BRIP1: variants seen among roughly 807,000 people sequenced by gnomAD.
BRIP1 encodes the protein BRCA1 interacting DNA helicase 1.
BRIP1 carries 88 observed loss-of-function variants against 119.7 expected under a neutral mutation model. The observed-to-expected ratio is 0.74, with a 90% CI of 0.62 to 0.88. The LOEUF is 0.88. Ranked by LOEUF, BRIP1 falls within the 40% of genes least tolerant of loss-of-function variation. The pLI, the probability that BRIP1 is intolerant of heterozygous loss-of-function variation, is 0.00. For synonymous variants in BRIP1, 443 were observed against 496.5 expected, an observed-to-expected ratio of 0.89 and a Z score of 1.43; for missense variants, 1,259 against 1,455.4, an observed-to-expected ratio of 0.87 and a Z score of 2.20.
Position 61,792,419 on chromosome 17 carries a change from A to T in BRIP1, c.1473+1178T>A, listed in dbSNP as rs1027641041. ...CAATTGCCAAAAACTGGAAACCATCAATGTTTCTTTCAGTAGGTGAATGGA... is the reference window on the plus strand; with the variant it reads ...CAATTGCCAAAAACTGGAAACCATCTATGTTTCTTTCAGTAGGTGAATGGA... On this transcript the variant is annotated intron_variant, in intron 10 of 19. Coordinates refer to ENST00000259008, the MANE Select transcript of BRIP1 (RefSeq NM_032043.3). 2.6e-5 allele frequency among the ~76,000 whole-genome samples: 4 copies of T among 152,220 alleles called. No homozygotes were observed. The East Asian group carries it at 7.7e-4, about 29-fold the overall frequency.
In BRIP1 at chr17:61,701,920, T is replaced by G. The variant is rs1401257907; in HGVS notation, c.2493-8408A>C. On this transcript the variant is annotated intron_variant, in intron 17 of 19. Coordinates refer to ENST00000259008, the MANE Select transcript of BRIP1 (RefSeq NM_032043.3). This position sits in a 1 kb window ranked among gnomAD's most constrained non-coding sequence, Gnocchi z 5.1. ...CTCCAATGACTGTCAGGTTGTTGGC[T>G]TTCCTCACGATTTCAGGCTATTGGT... is the stretch of plus-strand genomic sequence containing the variant. Among the ~76,000 whole-genome samples the G allele has an allele frequency of 6.6e-6, 1 of 152,176 alleles. No individual in the cohort carries two copies. The highest frequency in any genetic ancestry group is 1.5e-5 in the Non-Finnish European group (1 of 68,028).
At position 61,765,379 on chromosome 17, in the gene BRIP1, T is replaced by TTATA. The variant is rs1287538931; in HGVS notation, c.2097+11018_2097+11021dup. Among the ~76,000 whole-genome samples, 163 of 37,716 alleles carry TTATA rather than the reference T, an allele frequency of 4.3e-3. 1 individual carries two copies. Among genetic ancestry groups the TTATA allele is most frequent in the Non-Finnish European group, 5.1e-3 (113 of 22,120 alleles). The allele number at this position is 37,716 out of a possible 152,430, so 24.7% of individuals were successfully genotyped here. The stretch of plus-strand genomic sequence containing the variant: ...ATGTGTGTGTGTGTGTGTGTATATA[T>TTATA]TATATATATATATATATATATATAT... On this transcript the variant is annotated intron_variant, in intron 14 of 19. Coordinates refer to ENST00000259008, the MANE Select transcript of BRIP1 (RefSeq NM_032043.3).
In BRIP1 at chr17:61,857,243, A is replaced by G; in HGVS notation, c.206-12T>C. ...ATCTGCTGGTTTCCCTAAAAATGAA[A>G]GAACATCTATTTATAATATATCTAA... On this transcript the variant is annotated splice_polypyrimidine_tract_variant and intron_variant, in intron 3 of 19. Transcript: ENST00000259008. This position sits in a 1 kb window ranked among gnomAD's most constrained non-coding sequence, Gnocchi z 5.1. 1 of 1,605,230 alleles carries G rather than the reference A, an allele frequency of 6.2e-7. No individual in the cohort carries two copies. Among genetic ancestry groups the G allele is most frequent in the African/African-American group, 1.3e-5 (1 of 74,736 alleles).
intron 6 of BRIP1, among the ~76,000 whole-genome samples, chr17:61,833,833 T>C (rs1444236294): frequency 1.3e-5 from 2 of 152,130 alleles, no homozygotes; most frequent in African/African-American, 2.4e-5. Flanking sequence ...TACAATAGTA[T>C]AGAACGGGCT....
At chr17:61,820,405 A>G (rs2078302971) in intron 6 of BRIP1, among the ~76,000 whole-genome samples, 1 of 152,234 alleles carries the variant, frequency 6.6e-6, no homozygotes, top group African/African-American at 2.4e-5. Context: ...CTTAAAAATT[A>G]TGAGATGAAA....
In BRIP1 at chr17:61,832,201, G is replaced by A. The variant is rs750532347; in HGVS notation, c.627+14900C>T. On this transcript the variant is annotated intron_variant, in intron 6 of 19. Transcript: ENST00000259008. The surrounding 1 kb of genome is among the most constrained non-coding windows in gnomAD (Gnocchi z 5.5). ...ATCTTTTGCCAAAAAATAAGGAAGC[G>A]TTCCAAGAATGATTGATATATGTCA... Among the ~76,000 whole-genome samples, 11 of 152,138 alleles carry A rather than the reference G, an allele frequency of 7.2e-5. No homozygotes were observed. In the East Asian group the frequency reaches 7.7e-4, roughly 11 times the overall value.
At chr17:61,696,676 C>A (rs1299359821) in intron 17 of BRIP1, among the ~76,000 whole-genome samples, 5 of 131,634 alleles carry the variant, frequency 3.8e-5, no homozygotes, top group Non-Finnish European at 7.9e-5. Context: ...CAGAGTGAGA[C>A]TTTGTCTCAC....
At position 61,683,605 on chromosome 17, in the gene BRIP1, AT is replaced by A. The variant is rs753683450; in HGVS notation, c.3440del (p.Asn1147MetfsTer3). The A allele has an allele frequency of 6.2e-7, 1 of 1,611,940 alleles. No individual in the cohort carries two copies. The highest frequency in any genetic ancestry group is 8.5e-7 in the Non-Finnish European group (1 of 1,179,772). ...TTCCTCTATCAGTTTCAGCTAGGTCATTTTTTTCTTCATCTGTATCTTCAGG... is the reference window on the plus strand; with the variant it reads ...TTCCTCTATCAGTTTCAGCTAGGTCATTTTTTCTTCATCTGTATCTTCAGG... ...YDPEDTDEEK[N>X]DLAETDRGNR... is the part of the protein sequence containing the mutation. On this transcript the variant is annotated frameshift_variant, in exon 20 of 20. Coordinates refer to ENST00000259008, the MANE Select transcript of BRIP1 (RefSeq NM_032043.3). LOFTEE classifies it low-confidence loss of function (END_TRUNC). This position sits in a 1 kb window ranked among gnomAD's most constrained non-coding sequence, Gnocchi z 4.7.
chr17:61,766,918 A>T (rs2077381876), intron 14 of BRIP1, among the ~76,000 whole-genome samples: 1 of 152,166 alleles, frequency 6.6e-6, no homozygotes, highest in Non-Finnish European at 1.5e-5. Flanking sequence ...TAAAGAGTTT[A>T]GAAACTCTTC....
chr17:61,780,183 G>T lies in BRIP1; in HGVS notation c.1935+78C>A. ...CAAGATTTACTTGCTGGCACTTCAG[G>T]TATCTTCTAACTTGTTTACATAGTT... is the stretch of plus-strand genomic sequence containing the variant. On this transcript the variant is annotated intron_variant, in intron 13 of 19. Transcript: ENST00000259008. This position sits in a 1 kb window ranked among gnomAD's most constrained non-coding sequence, Gnocchi z 5.4. 2.8e-6 allele frequency: 4 copies of T among 1,434,118 alleles called. No individual in the cohort carries two copies. Among genetic ancestry groups the T allele is most frequent in the South Asian group, 2.5e-5 (2 of 81,518 alleles). 88.8% of individuals were successfully genotyped at this position (1,434,118 alleles called of 1,614,324 possible). A position where few individuals can be genotyped will look rare whatever the true frequency, so the allele number is the denominator to read the frequency against.
chr17:61,698,944 T>C (rs1211255864), intron 17 of BRIP1, among the ~76,000 whole-genome samples: 3 of 152,164 alleles, frequency 2.0e-5, no homozygotes, highest in African/African-American at 7.2e-5. Flanking sequence ...CTTGAACTCC[T>C]AAGCTCAAGC....
Position 61,851,227 on chromosome 17 carries a change from C to CAAAAAAAGAA in BRIP1, c.380-1981_380-1972dup, listed in dbSNP as rs2078817901. Among the ~76,000 whole-genome samples, 1 of 150,094 alleles carries CAAAAAAAGAA rather than the reference C, an allele frequency of 6.7e-6. No individual in the cohort carries two copies. Among genetic ancestry groups the CAAAAAAAGAA allele is most frequent in the South Asian group, 2.1e-4 (1 of 4,764 alleles). ...TAGGTGACAGAACGAGACTCCATCTCAAAAAAAGAAAAAAAAAGAAATGTT... is the reference window on the plus strand; with the variant it reads ...TAGGTGACAGAACGAGACTCCATCTCAAAAAAAGAAAAAAAAAGAAAAAAAAAGAAATGTT... On this transcript the variant is annotated intron_variant, in intron 4 of 19. Transcript: ENST00000259008. The surrounding 1 kb of genome is among the most constrained non-coding windows in gnomAD (Gnocchi z 4.6).
rs1255049108 is a variant in BRIP1, at chr17:61,857,428, A to G, written c.206-197T>C. ...ATCAAATTAGGACAGGAGAGAAATA[A>G]GCCAAAAACATTTGGTTGGACACAG... On this transcript the variant is annotated intron_variant, in intron 3 of 19. Coordinates refer to ENST00000259008, the MANE Select transcript of BRIP1 (RefSeq NM_032043.3). The surrounding 1 kb of genome is among the most constrained non-coding windows in gnomAD (Gnocchi z 5.1). 6.6e-6 allele frequency among the ~76,000 whole-genome samples: 1 copy of G among 152,126 alleles called. No homozygotes were observed. The highest frequency in any genetic ancestry group is 1.5e-5 in the Non-Finnish European group (1 of 68,008).
rs983034455 is a variant in BRIP1 at position 61,774,365 on chromosome 17, C to G, written c.2097+2036G>C. ...AAACCAAACACCGCATGTTCTCACT[C>G]ATAGGTGGGAATTGAACAATGAGAA... On this transcript the variant is annotated intron_variant, in intron 14 of 19. Transcript: ENST00000259008. The surrounding 1 kb of genome is among the most constrained non-coding windows in gnomAD (Gnocchi z 5.8). 3.9e-5 allele frequency among the ~76,000 whole-genome samples: 6 copies of G among 152,146 alleles called. No individual in the cohort carries two copies. The highest frequency in any genetic ancestry group is 7.4e-5 in the Non-Finnish European group (5 of 68,026).
In BRIP1 at chr17:61,710,421, A is replaced by G. The variant is rs2061753628; in HGVS notation, c.2492+5530T>C. ...ATAGGCTATTACAATACAATGAGATATGTGCTATAATACAGATAGCAACCA... is the reference window on the plus strand; with the variant it reads ...ATAGGCTATTACAATACAATGAGATGTGTGCTATAATACAGATAGCAACCA... On this transcript the variant is annotated intron_variant, in intron 17 of 19. Transcript: ENST00000259008. The surrounding 1 kb of genome is among the most constrained non-coding windows in gnomAD (Gnocchi z 5.4). 6.6e-6 allele frequency among the ~76,000 whole-genome samples: 1 copy of G among 152,198 alleles called. No homozygotes were observed. The highest frequency in any genetic ancestry group is 1.5e-5 in the Non-Finnish European group (1 of 68,022).
At chr17:61,849,492 T>C (rs1471546434) in intron 4 of BRIP1, among the ~76,000 whole-genome samples, 1 of 152,222 alleles carries the variant, frequency 6.6e-6, no homozygotes, top group Non-Finnish European at 1.5e-5. Context: ...TAAATCGCCT[T>C]ATGTACTTGT....
At chr17:61,731,512 C>T (rs1236256192) in intron 16 of BRIP1, among the ~76,000 whole-genome samples, 13 of 152,224 alleles carry the variant, frequency 8.5e-5, no homozygotes. Flanking sequence ...AGCTTCTATT[C>T]ACATGCCATT....
intron 6 of BRIP1, among the ~76,000 whole-genome samples, chr17:61,833,695 T>C (rs1300186440): frequency 6.7e-6 from 1 of 148,992 alleles, no homozygotes; most frequent in Non-Finnish European, 1.5e-5. Flanking sequence ...AAGCCATAAT[T>C]ATTGGAGCTG....
In BRIP1 at chr17:61,832,515, C is replaced by G. The variant is rs532510527; in HGVS notation, c.627+14586G>C. Among the ~76,000 whole-genome samples, 2 of 152,228 alleles carry G rather than the reference C, an allele frequency of 1.3e-5. No homozygotes were observed. The highest frequency in any genetic ancestry group is 1.3e-4 in the Admixed American group (2 of 15,298). ...AATGAGAAAAAATGAAACTGCGTGCCACCTTATAAGATGCAATGAGCAGAA... is the reference window on the plus strand; with the variant it reads ...AATGAGAAAAAATGAAACTGCGTGCGACCTTATAAGATGCAATGAGCAGAA... On this transcript the variant is annotated intron_variant, in intron 6 of 19. Coordinates refer to ENST00000259008, the MANE Select transcript of BRIP1 (RefSeq NM_032043.3). This position sits in a 1 kb window ranked among gnomAD's most constrained non-coding sequence, Gnocchi z 5.5.
Sources: allele counts gnomAD v4.1 joint callset (sites outside exome capture counted in the v4.1 genomes callset), GRCh38; gene constraint gnomAD v4.1.1; non-coding constraint Gnocchi (gnomAD v3.1); transcripts MANE v1.5; gene names NCBI Gene and HGNC (gene_info 2026-07-23, HGNC 2026-07-21).